The following GPR39 variants were observed in gnomAD, a reference collection of about 807,000 sequenced individuals.
GPR39 encodes zinc sensing receptor.
Under a neutral mutation model 18.4 loss-of-function variants are expected in GPR39, and 23 were observed. The ratio of observed to expected loss-of-function variants is 1.25; its 90% confidence interval spans 0.90 to 1.77. The LOEUF (loss-of-function observed/expected upper bound fraction) is 1.77, where lower values mean the gene tolerates loss of function less well. Among genes scored for constraint, GPR39 ranks in the 40% most tolerant of loss-of-function variants. GPR39 has a pLI of 0.00. For missense variants in GPR39, 647 were observed against 602.4 expected, an observed-to-expected ratio of 1.07 and a Z score of -0.78; for synonymous variants, 280 against 257.9, an observed-to-expected ratio of 1.09 and a Z score of -0.82.
chr2:132,560,060 C>T (rs192124043), intron 1 of GPR39, among the ~76,000 whole-genome samples: 3 of 152,240 alleles, frequency 2.0e-5, no homozygotes, highest in East Asian at 3.9e-4. Context: ...ATGGTGCTCC[C>T]AGCCTCCAAT....
intron 1 of GPR39, among the ~76,000 whole-genome samples, chr2:132,643,838 A>G (rs572665885): frequency 6.6e-6 from 1 of 152,312 alleles, no homozygotes; most frequent in Admixed American, 6.5e-5. Flanking sequence ...TTAATAGAAT[A>G]TTTACCATGG....
In GPR39 at chr2:132,444,298, A is replaced by ATT. The variant is rs532102745; in HGVS notation, c.856+26410_856+26411dup. ...ATTACTAGTCTATGGCATTATGGGA[A>ATT]TTTTTTTTTTTAAAGACAGGGTCTC... On this transcript the variant is annotated intron_variant, in intron 1 of 1. Coordinates refer to ENST00000329321, the MANE Select transcript of GPR39 (RefSeq NM_001508.3). Among the ~76,000 whole-genome samples, 134 of 148,878 alleles carry ATT rather than the reference A, an allele frequency of 9.0e-4. 4 individuals are homozygous for ATT. In the South Asian group the frequency reaches 0.024, roughly 27 times the overall value.
chr2:132,624,537 C>A (rs147313592), intron 1 of GPR39, among the ~76,000 whole-genome samples: 1 of 152,358 alleles, frequency 6.6e-6, no homozygotes, highest in Non-Finnish European at 1.5e-5. Context: ...AACATACTCA[C>A]ATAACCAGAT....
At chr2:132,551,597 C>A (rs1264128060) in intron 1 of GPR39, among the ~76,000 whole-genome samples, 1 of 152,158 alleles carries the variant, frequency 6.6e-6, no homozygotes, top group Non-Finnish European at 1.5e-5. Context: ...CTCTTTATAC[C>A]TTTAGTGGAA....
At chr2:132,616,471 G>T (rs2104855221) in intron 1 of GPR39, among the ~76,000 whole-genome samples, 1 of 152,294 alleles carries the variant, frequency 6.6e-6, no homozygotes, top group East Asian at 1.9e-4. Flanking sequence ...GCCTGTAGGG[G>T]CCCAGGAAAA....
intron 1 of GPR39, among the ~76,000 whole-genome samples, chr2:132,510,122 A>T (rs1455782706): frequency 1.3e-5 from 2 of 152,182 alleles, no homozygotes; most frequent in African/African-American, 4.8e-5. Context: ...TGGTCATAAC[A>T]TTTGTAAGCA....
At chr2:132,534,502 T>G (rs71413509) in intron 1 of GPR39, among the ~76,000 whole-genome samples, 29,379 of 131,100 alleles carry the variant, frequency 0.22, 4,157 homozygotes, top group East Asian at 0.63. Context: ...TATAACCAAA[T>G]GACTATAAAT....
intron 1 of GPR39, among the ~76,000 whole-genome samples, chr2:132,421,126 C>T (rs1389048143): frequency 6.6e-6 from 1 of 152,142 alleles, no homozygotes; most frequent in African/African-American, 2.4e-5. Flanking sequence ...CTGTCCTGTC[C>T]CTTCAATGAT....
At chr2:132,445,063 G>T (rs1215810630) in intron 1 of GPR39, among the ~76,000 whole-genome samples, 1 of 152,106 alleles carries the variant, frequency 6.6e-6, no homozygotes, top group Non-Finnish European at 1.5e-5. Context: ...GGGTGTCAAT[G>T]TGATAGTTTT....
chr2:132,634,057 G>A (rs1031663420), intron 1 of GPR39, among the ~76,000 whole-genome samples: 12 of 142,766 alleles, frequency 8.4e-5, no homozygotes, highest in African/African-American at 1.5e-4. Flanking sequence ...ATGATGGTGG[G>A]GGTGGCAGTA....
chr2:132,636,741 T>C (rs755921848), intron 1 of GPR39, among the ~76,000 whole-genome samples: 1 of 152,216 alleles, frequency 6.6e-6, no homozygotes, highest in Admixed American at 6.5e-5. Context: ...GGGAGCTGAA[T>C]TGTATTAACA....
intron 1 of GPR39, among the ~76,000 whole-genome samples, chr2:132,610,644 G>T (rs936348678): frequency 6.6e-6 from 1 of 151,966 alleles, no homozygotes; most frequent in African/African-American, 2.4e-5. Flanking sequence ...AGGTGTGGTG[G>T]CACGTACCTG....
chr2:132,500,960 C>A (rs751027695), intron 1 of GPR39, among the ~76,000 whole-genome samples: 3 of 150,126 alleles, frequency 2.0e-5, no homozygotes, highest in African/African-American at 4.9e-5. Flanking sequence ...TTATTTGGAT[C>A]TTCTCTCTTC....
chr2:132,429,256 G>A (rs1009613203), intron 1 of GPR39, among the ~76,000 whole-genome samples: 1 of 152,230 alleles, frequency 6.6e-6, no homozygotes, highest in Non-Finnish European at 1.5e-5. Context: ...AGCAGAGGGT[G>A]AGTCTCTCAA....
At chr2:132,428,594 G>C (rs1680171109) in intron 1 of GPR39, among the ~76,000 whole-genome samples, 1 of 152,208 alleles carries the variant, frequency 6.6e-6, no homozygotes, top group Non-Finnish European at 1.5e-5. Context: ...ATTGTAAAAG[G>C]CAGAGTATTG....
Position 132,535,694 on chromosome 2 carries a change from G to GTTTTTTTTTTTTTTT in GPR39, c.857-109407_857-109406insTTTTTTTTTTTTTTT, listed in dbSNP as rs1252242856. On this transcript the variant is annotated intron_variant, in intron 1 of 1. Coordinates refer to ENST00000329321, the MANE Select transcript of GPR39 (RefSeq NM_001508.3). ...TGGCTGTGAATCCATCTGGTCCTGG[G>GTTTTTTTTTTTTTTT]CTTTTTTTTTTTGGTTGGTAGGCTA... is the stretch of plus-strand genomic sequence containing the variant. Among the ~76,000 whole-genome samples the GTTTTTTTTTTTTTTT allele has an allele frequency of 7.1e-4, 43 of 60,926 alleles. No homozygotes were observed. The East Asian group carries it at 0.012, about 17-fold the overall frequency. 40.0% of individuals were successfully genotyped at this position (60,926 alleles called of 152,430 possible).
rs1558792340 is a variant in GPR39 at position 132,417,137 on chromosome 2, C to T, written c.95C>T (p.Thr32Ile). The T allele has an allele frequency of 6.2e-7, 1 of 1,614,158 alleles. No homozygotes were observed. Among genetic ancestry groups the T allele is most frequent in the Non-Finnish European group, 8.5e-7 (1 of 1,180,042 alleles). The change falls in exon 1 of 2, where the codon ACC (threonine) becomes ATC (isoleucine). Residue 32 changes from threonine to isoleucine, a missense_variant. Around this residue, in one of 3 missense-constraint regions of GPR39, gnomAD observed 61 missense variants for 79.2 expected, o/e 0.77. Coordinates refer to ENST00000329321, the MANE Select transcript of GPR39 (RefSeq NM_001508.3). ...EFEVATWIKI[T>I]LILVYLIIFV... is the part of the protein sequence containing the mutation. ...GAGGTGGCCACCTGGATCAAAATCA[C>T]CCTTATTCTGGTGTACCTGATCATC...
chr2:132,495,813 T>TCACCCCCTCTCTC (rs1681631414), intron 1 of GPR39, among the ~76,000 whole-genome samples: 5 of 151,438 alleles, frequency 3.3e-5, no homozygotes, highest in South Asian at 2.1e-4. Context: ...CCCCCTCTCT[T>TCACCCCCTCTCTC]CTCTTCCCCT....
At chr2:132,520,688 G>C (rs564443386) in intron 1 of GPR39, among the ~76,000 whole-genome samples, 2 of 152,378 alleles carry the variant, frequency 1.3e-5, no homozygotes, top group East Asian at 3.9e-4. Flanking sequence ...CACCAGCAAT[G>C]CAGTGTTTTG....
Sources: gnomAD v4.1 joint callset for allele counts (sites outside exome capture counted in the v4.1 genomes callset) on GRCh38, gnomAD v4.1.1 for gene constraint, gnomAD v4.1.1 regional missense constraint, MANE v1.5 for transcripts, NCBI Gene and HGNC (gene_info 2026-07-23, HGNC 2026-07-21) for gene names.